PAPPA2: variants seen among roughly 807,000 people sequenced by gnomAD.
PAPPA2 encodes the protein pappalysin 2, also known as pappalysin-2.
In PAPPA2, 86 loss-of-function variants were observed where a neutral mutation model predicts 176.4. The ratio of observed to expected loss-of-function variants is 0.49; its 90% CI spans 0.41 to 0.58. The LOEUF (loss-of-function observed/expected upper bound fraction) is 0.58. Among genes scored for constraint, PAPPA2 ranks in the 20% least tolerant of loss-of-function variants. The pLI is 0.00. For missense variants in PAPPA2, 2,073 were observed against 2,256.9 expected, an observed-to-expected ratio of 0.92 and a Z score of 1.65; for synonymous variants, 809 against 852.2, an observed-to-expected ratio of 0.95 and a Z score of 0.88.
At chr1:176,801,669 G>A (rs1304481623) in intron 21 of PAPPA2, among the ~76,000 whole-genome samples, 1 of 152,062 alleles carries the variant, frequency 6.6e-6, no homozygotes, top group East Asian at 1.9e-4. Context: ...GGAGGCCAGG[G>A]AAGGAGGGAG....
rs189002003 is a variant in PAPPA2 at position 176,563,241 on chromosome 1, G to A, written c.919+6000G>A. On this transcript the variant is annotated intron_variant, in intron 2 of 22. Transcript: ENST00000367662. ...GTCTCTTTGTGGGATCCAGGGCAGTGGCTTTCAGATTCTGTTTTTGCTGCC... is the reference window on the plus strand; with the variant it reads ...GTCTCTTTGTGGGATCCAGGGCAGTAGCTTTCAGATTCTGTTTTTGCTGCC... 1.3e-3 allele frequency among the ~76,000 whole-genome samples: 194 copies of A among 152,280 alleles called. 1 individual carries two copies. The highest frequency in any genetic ancestry group is 4.3e-3 in the African/African-American group (177 of 41,538).
intron 6 of PAPPA2, among the ~76,000 whole-genome samples, chr1:176,692,823 C>G (rs772624084): frequency 6.6e-6 from 1 of 152,162 alleles, no homozygotes; most frequent in South Asian, 2.1e-4. Context: ...GTGCCTCCCC[C>G]TCTTAAGGCC....
At chr1:176,567,067 T>C (rs900870049) in intron 2 of PAPPA2, among the ~76,000 whole-genome samples, 7 of 152,190 alleles carry the variant, frequency 4.6e-5, no homozygotes, top group African/African-American at 1.7e-4. Context: ...CCCCTGGCCC[T>C]AGAACCTTCC....
intron 1 of PAPPA2, among the ~76,000 whole-genome samples, chr1:176,472,192 A>G (rs1651908833): frequency 6.6e-6 from 1 of 152,226 alleles, no homozygotes; most frequent in African/African-American, 2.4e-5. Context: ...AGGCCAATAA[A>G]TGCTTGATTC....
intron 4 of PAPPA2, among the ~76,000 whole-genome samples, chr1:176,677,958 A>G (rs909086438): frequency 6.6e-6 from 1 of 152,232 alleles, no homozygotes; most frequent in Non-Finnish European, 1.5e-5. Context: ...GGCAACATAC[A>G]TGAAGTTAGG....
chr1:176,561,306 A>G (rs1017816380), intron 2 of PAPPA2, among the ~76,000 whole-genome samples: 1 of 152,230 alleles, frequency 6.6e-6, no homozygotes, highest in Non-Finnish European at 1.5e-5. Flanking sequence ...TGAACAAGTC[A>G]TGTATGTAAA....
chr1:176,497,791 G>A (rs146761846), intron 1 of PAPPA2, among the ~76,000 whole-genome samples: 1 of 152,072 alleles, frequency 6.6e-6, no homozygotes, highest in Non-Finnish European at 1.5e-5. Context: ...AATACTTGCC[G>A]TTCATTATCA....
intron 16 of PAPPA2, among the ~76,000 whole-genome samples, chr1:176,770,542 T>TGA (rs1009306954): frequency 8.5e-5 from 13 of 152,174 alleles, no homozygotes; most frequent in African/African-American, 3.1e-4. Flanking sequence ...TAGGGTTGTT[T>TGA]GAGGTTTGAA....
chr1:176,740,135 G>A lies in PAPPA2; in HGVS notation c.4090G>A (p.Gly1364Ser), dbSNP rs376445851. The A allele has an allele frequency of 4.6e-5, 74 of 1,613,670 alleles. No homozygotes were observed. Among genetic ancestry groups the A allele is most frequent in the Admixed American group, 2.8e-4 (17 of 59,944 alleles). The change falls in exon 14 of 23, where the codon GGT (glycine) becomes AGT (serine). Residue 1364 changes from glycine (G) to serine (S), a missense_variant. Physicochemically the swap from Gly to Ser is moderately conservative, Grantham distance 56. Transcript: ENST00000367662. ...GGCTCTAAGGACATCCTCCCGCATT[G>A]GTCTTTCGGCTCCCAGTAACTGCAT... The part of the protein sequence containing the change: ...AVALRTSSRI[G>S]LSAPSNCISE...
intron 17 of PAPPA2, among the ~76,000 whole-genome samples, chr1:176,786,212 A>C (rs1664929078): frequency 1.3e-5 from 2 of 152,234 alleles, no homozygotes; most frequent in African/African-American, 2.4e-5. Context: ...AATTGAAAAT[A>C]GATTTGGAGA....
intron 3 of PAPPA2, among the ~76,000 whole-genome samples, chr1:176,600,622 G>A (rs1267510857): frequency 7.0e-6 from 1 of 143,118 alleles, no homozygotes; most frequent in Non-Finnish European, 1.5e-5. Flanking sequence ...CTTGCAGTGA[G>A]CCGAGATCGC....
chr1:176,825,572 A>G (rs1181801475), intron 21 of PAPPA2, among the ~76,000 whole-genome samples: 2 of 152,236 alleles, frequency 1.3e-5, no homozygotes, highest in African/African-American at 4.8e-5. Context: ...CAAAGAGTTC[A>G]GCATGAAGGT....
At chr1:176,810,902 A>G (rs1048583464) in intron 21 of PAPPA2, among the ~76,000 whole-genome samples, 1 of 152,074 alleles carries the variant, frequency 6.6e-6, no homozygotes, top group Non-Finnish European at 1.5e-5. Context: ...ATACATCAAC[A>G]CTAAGGTTGC....
intron 2 of PAPPA2, among the ~76,000 whole-genome samples, chr1:176,565,385 T>A (rs1651906947): frequency 6.6e-6 from 1 of 152,182 alleles, no homozygotes; most frequent in Non-Finnish European, 1.5e-5. Context: ...TTTGGTTTTA[T>A]GCCTCTGACC....
At chr1:176,817,737 A>G (rs974060524) in intron 21 of PAPPA2, among the ~76,000 whole-genome samples, 7 of 152,178 alleles carry the variant, frequency 4.6e-5, no homozygotes, top group Non-Finnish European at 7.4e-5. Context: ...TAAAAAAAAA[A>G]AAAGAAAGAA....
intron 1 of PAPPA2, among the ~76,000 whole-genome samples, chr1:176,549,583 T>C (rs1355196357): frequency 6.6e-6 from 1 of 152,194 alleles, no homozygotes; most frequent in Non-Finnish European, 1.5e-5. Flanking sequence ...TAATAGAGTA[T>C]TTGATTTATT....
intron 3 of PAPPA2, among the ~76,000 whole-genome samples, chr1:176,665,894 G>A (rs1024458351): frequency 6.6e-6 from 1 of 152,170 alleles, no homozygotes; most frequent in Non-Finnish European, 1.5e-5. Flanking sequence ...TGACTTCAAG[G>A]TTTCTGTGCA....
intron 6 of PAPPA2, among the ~76,000 whole-genome samples, chr1:176,692,817 C>G (rs1660178483): frequency 6.6e-6 from 1 of 152,114 alleles, no homozygotes. Context: ...CCTCCTGTGC[C>G]TCCCCCTCTT....
At chr1:176,825,316 T>C (rs966420090) in intron 21 of PAPPA2, among the ~76,000 whole-genome samples, 6 of 152,244 alleles carry the variant, frequency 3.9e-5, no homozygotes, top group Non-Finnish European at 1.5e-5. Context: ...TACTAGGTAA[T>C]TTTAGGGGTG....
Sources: allele counts gnomAD v4.1 joint callset (sites outside exome capture counted in the v4.1 genomes callset), GRCh38; gene constraint gnomAD v4.1.1; transcripts MANE v1.5; gene names NCBI Gene and HGNC (gene_info 2026-07-23, HGNC 2026-07-21).